Variants in KDM2A observed in about 807,000 individuals in gnomAD.
The protein encoded by KDM2A is lysine-specific demethylase 2A.
KDM2A carries 3 observed loss-of-function variants against 137.3 expected under a neutral mutation model. The observed-to-expected ratio is 0.02, with a 90% confidence interval of 0.01 to 0.06. The LOEUF is 0.06. Among genes scored for constraint, KDM2A ranks in the 10% least tolerant of loss-of-function variants. The pLI is 1.00. For synonymous variants in KDM2A, 512 were observed against 541.5 expected (o/e 0.95, Z 0.76); for missense variants, 738 against 1,510.6 (o/e 0.49, Z 8.48).
At chr11:67,253,394 C>T (rs1377645801) in intron 18 of KDM2A, 59 bp from the exon 19 acceptor site, 15 of 1,470,156 alleles carry the variant, frequency 1.0e-5, no homozygotes, top group Admixed American at 6.9e-5. Flanking sequence ...CAGATCGTTA[C>T]GGCTCTGAGT....
rs1858726362 is a variant in KDM2A at position 67,231,705 on chromosome 11, C to T, written c.1224C>T (p.Gly408=). Residue 408 remains glycine, a synonymous_variant, in exon 12 of 21, where the codon GGC becomes GGT. Coordinates refer to ENST00000529006, the MANE Select transcript of KDM2A (RefSeq NM_012308.3). The stretch of plus-strand genomic sequence containing the variant: ...TCAACCTGGATTATGATGGACTGGG[C>T]AAAACCTGCCGAAGTCTTCCAAGTC... ...NGVNLDYDGL[G]KTCRSLPSLK... 1.2e-6 allele frequency: 2 copies of T among 1,613,834 alleles called. No homozygotes were observed. The highest frequency in any genetic ancestry group is 3.3e-5 in the Admixed American group (2 of 59,976).
At chr11:67,188,429 C>T (rs1415128458) in intron 5 of KDM2A, among the ~76,000 whole-genome samples, 2 of 148,710 alleles carry the variant, frequency 1.3e-5, no homozygotes, top group African/African-American at 5.0e-5. Flanking sequence ...TTGCACTGAG[C>T]TGAGATCGCG....
intron 17 of KDM2A, among the ~76,000 whole-genome samples, chr11:67,251,525 G>A (rs1055971400): frequency 2.6e-5 from 4 of 152,146 alleles, no homozygotes; most frequent in Non-Finnish European, 5.9e-5. Context: ...CTTTTTATCT[G>A]GGTCACACAC....
intron 12 of KDM2A, chr11:67,240,208 A>C: frequency 1.3e-6 from 2 of 1,534,946 alleles, no homozygotes; most frequent in South Asian, 1.2e-5. Context: ...GCCCTGCCCT[A>C]TGTGCTCTGG....
intron 2 of KDM2A, among the ~76,000 whole-genome samples, chr11:67,152,043 A>G (rs550846077): frequency 6.6e-6 from 1 of 152,194 alleles, no homozygotes; most frequent in Non-Finnish European, 1.5e-5. Flanking sequence ...CGCCGGGTGC[A>G]GTGGCTCACA....
intron 12 of KDM2A, among the ~76,000 whole-genome samples, chr11:67,239,038 C>CGAGTGG (rs1858949401): frequency 6.6e-6 from 1 of 152,112 alleles, no homozygotes; most frequent in Non-Finnish European, 1.5e-5. Context: ...CTTGTCAGTC[C>CGAGTGG]GAGTGGCTGT....
chr11:67,171,296 C>T (rs1310956055), intron 2 of KDM2A, among the ~76,000 whole-genome samples: 4 of 152,018 alleles, frequency 2.6e-5, no homozygotes, highest in Non-Finnish European at 4.4e-5. Context: ...CAGACGAGGC[C>T]GAGTCTGAAA....
chr11:67,184,833 A>C (rs1857168594), intron 5 of KDM2A, among the ~76,000 whole-genome samples: 1 of 152,226 alleles, frequency 6.6e-6, no homozygotes, highest in Admixed American at 6.5e-5. Context: ...TAGCCTATAA[A>C]AAACAAAACA....
intron 5 of KDM2A, among the ~76,000 whole-genome samples, chr11:67,206,716 G>A (rs745978847): frequency 4.8e-4 from 73 of 152,248 alleles, no homozygotes; most frequent in Admixed American, 2.6e-3. Context: ...CAGCCTGAGC[G>A]ACAGAGCGAG....
intron 2 of KDM2A, among the ~76,000 whole-genome samples, chr11:67,155,468 C>G: frequency 6.6e-6 from 1 of 151,980 alleles, no homozygotes; most frequent in Non-Finnish European, 1.5e-5. Context: ...ACCACCTTGG[C>G]TAAGTTTTAA....
intron 2 of KDM2A, among the ~76,000 whole-genome samples, chr11:67,165,457 C>T (rs972351114): frequency 2.6e-5 from 4 of 152,138 alleles, no homozygotes; most frequent in Non-Finnish European, 4.4e-5. Flanking sequence ...CCAGTTCCTT[C>T]TAAAGCTTCT....
chr11:67,140,302 G>C (rs1297158619), intron 2 of KDM2A, among the ~76,000 whole-genome samples: 1 of 151,956 alleles, frequency 6.6e-6, no homozygotes, highest in Non-Finnish European at 1.5e-5. Context: ...GAAGGTCAAG[G>C]CTGCAGTGAG....
chr11:67,231,490 T>C, intron 11 of KDM2A, 76 bp from the exon 12 acceptor site: 1 of 1,351,744 alleles, frequency 7.4e-7, no homozygotes, highest in Non-Finnish European at 1.0e-6. Flanking sequence ...AAGGCCCCTA[T>C]CATGCCACCT....
intron 10 of KDM2A, among the ~76,000 whole-genome samples, chr11:67,224,205 G>C (rs1858458544): frequency 6.6e-6 from 1 of 152,166 alleles, no homozygotes; most frequent in South Asian, 2.1e-4. Context: ...TAAACGGGTA[G>C]GTGAAGTCAT....
In KDM2A at chr11:67,213,480, C is replaced by T. The variant is rs1013385487; in HGVS notation, c.487-1860C>T. Among the ~76,000 whole-genome samples the T allele has an allele frequency of 5.3e-5, 8 of 151,878 alleles. No homozygotes were observed. In the East Asian group the frequency reaches 5.8e-4, roughly 11 times the overall value. On this transcript the variant is annotated intron_variant, in intron 6 of 20. Transcript: ENST00000529006. Reference sequence around the variant, plus strand: ...CAGTATTATTTAAAAGATTCCTGGCCGGGCATGGTAGCTCATGCTGTAATC... The same window carrying T: ...CAGTATTATTTAAAAGATTCCTGGCTGGGCATGGTAGCTCATGCTGTAATC...
intron 2 of KDM2A, among the ~76,000 whole-genome samples, chr11:67,144,306 G>A (rs1856193938): frequency 1.3e-5 from 2 of 148,380 alleles, no homozygotes; most frequent in African/African-American, 2.5e-5. Flanking sequence ...AGGCTGGAGT[G>A]CAGTGGGGTG....
At chr11:67,220,220 C>G (rs989379114) in intron 10 of KDM2A, among the ~76,000 whole-genome samples, 1 of 152,028 alleles carries the variant, frequency 6.6e-6, no homozygotes, top group Non-Finnish European at 1.5e-5. Context: ...CTGTGTTGCC[C>G]AGGCTTGTCT....
Position 67,245,534 on chromosome 11 carries a change from G to A in KDM2A, c.1833+76G>A, listed in dbSNP as rs2136450692. ...GGAACTGAAATACATATAGTGTAGA[G>A]TTAAAGAGACTTCAGAGTTGGAAAG... On this transcript the variant is annotated intron_variant, in intron 14 of 20. Coordinates refer to ENST00000529006, the MANE Select transcript of KDM2A (RefSeq NM_012308.3). This position sits in a 1 kb window ranked among gnomAD's most constrained non-coding sequence, Gnocchi z 4.1. 6.7e-7 allele frequency: 1 copy of A among 1,493,522 alleles called. No homozygotes were observed. Among genetic ancestry groups the A allele is most frequent in the Non-Finnish European group, 9.2e-7 (1 of 1,090,438 alleles). The allele number at this position is 1,493,522 out of a possible 1,614,324, so 92.5% of individuals were successfully genotyped here.
Position 67,254,326 on chromosome 11 carries a change from G to A in KDM2A, c.3215G>A (p.Ser1072Asn). 1.2e-6 allele frequency: 2 copies of A among 1,614,038 alleles called. No homozygotes were observed. The highest frequency in any genetic ancestry group is 1.7e-6 in the Non-Finnish European group (2 of 1,179,896). Residue 1072 changes from serine (S) to asparagine (N), a missense_variant, in exon 20 of 21, where the codon AGT becomes AAT. Around this residue, in one of 9 missense-constraint regions of KDM2A, gnomAD observed 166 missense variants for 324.0 expected, o/e 0.51. Coordinates refer to ENST00000529006, the MANE Select transcript of KDM2A (RefSeq NM_012308.3). This position sits in a 1 kb window ranked among gnomAD's most constrained non-coding sequence, Gnocchi z 4.7. ...CCCCTCCTGTCTCGACTCGACCTCA[G>A]TCACTGCAGCCACCTTACAGATCAG... is the stretch of plus-strand genomic sequence containing the variant. ...HMPLLSRLDL[S>N]HCSHLTDQSS...
Sources: allele counts gnomAD v4.1 joint callset (sites outside exome capture counted in the v4.1 genomes callset), GRCh38; gene constraint gnomAD v4.1.1; regional missense constraint gnomAD v4.1.1; non-coding constraint Gnocchi (gnomAD v3.1); transcripts MANE v1.5; gene names NCBI Gene and HGNC (gene_info 2026-07-23, HGNC 2026-07-21).